Variants in GPD2 observed in about 807,000 individuals in gnomAD.
GPD2 encodes the protein glycerol-3-phosphate dehydrogenase, mitochondrial.
Under a neutral mutation model 82.4 loss-of-function variants are expected in GPD2, and 54 were observed. That is an observed-to-expected ratio of 0.66 (90% CI 0.53 to 0.82). The LOEUF is 0.82. Ranked by LOEUF, GPD2 falls within the 40% of genes least tolerant of loss-of-function variation. The pLI, the probability that GPD2 is intolerant of heterozygous loss-of-function variation, is 0.00. For synonymous variants in GPD2, 288 were observed against 306.1 expected, an observed-to-expected ratio of 0.94 and a Z score of 0.62; for missense variants, 748 against 896.2, an observed-to-expected ratio of 0.83 and a Z score of 2.11.
At chr2:156,461,805 G>A (rs1381795035) in intron 1 of GPD2, among the ~76,000 whole-genome samples, 1 of 152,172 alleles carries the variant, frequency 6.6e-6, no homozygotes, top group Non-Finnish European at 1.5e-5. Flanking sequence ...CATGAGAGTA[G>A]AGGAATTCCC....
chr2:156,451,566 G>A (rs1682584923), intron 1 of GPD2, among the ~76,000 whole-genome samples: 1 of 138,858 alleles, frequency 7.2e-6, no homozygotes, highest in African/African-American at 2.7e-5. Flanking sequence ...CCGGGCGGGG[G>A]TCTGACCCCC....
chr2:156,454,404 C>T (rs1275343917), intron 1 of GPD2, among the ~76,000 whole-genome samples: 1 of 151,766 alleles, frequency 6.6e-6, no homozygotes, highest in Non-Finnish European at 1.5e-5. Context: ...GGCCTGTAAT[C>T]TCAGTGCTTT....
At chr2:156,461,631 T>C (rs1251287108) in intron 1 of GPD2, among the ~76,000 whole-genome samples, 5 of 152,290 alleles carry the variant, frequency 3.3e-5, no homozygotes, top group Admixed American at 2.0e-4. Context: ...CCTCCCACCT[T>C]GGCCTCCCCA....
intron 6 of GPD2, among the ~76,000 whole-genome samples, chr2:156,533,767 C>T (rs543190083): frequency 8.1e-4 from 124 of 152,330 alleles, no homozygotes; most frequent in Non-Finnish European, 1.5e-3. Context: ...TGACCCCCCT[C>T]GCAGGATGTG....
At chr2:156,464,867 T>A (rs1389417490) in intron 1 of GPD2, among the ~76,000 whole-genome samples, 1 of 152,180 alleles carries the variant, frequency 6.6e-6, no homozygotes, top group African/African-American at 2.4e-5. Context: ...CTTTTTTTTT[T>A]TGAGATGGAG....
At chr2:156,460,369 C>T (rs773204089) in intron 1 of GPD2, among the ~76,000 whole-genome samples, 7 of 152,138 alleles carry the variant, frequency 4.6e-5, no homozygotes, top group Non-Finnish European at 7.3e-5. Context: ...GACTTTTGCT[C>T]TTCAGTCTCC....
chr2:156,547,469 C>T (rs1341105619), intron 6 of GPD2, among the ~76,000 whole-genome samples: 1 of 152,144 alleles, frequency 6.6e-6, no homozygotes, highest in African/African-American at 2.4e-5. Context: ...AATAATTTCA[C>T]AATTCTAGGT....
chr2:156,491,658 A>G (rs1684178656), intron 2 of GPD2, among the ~76,000 whole-genome samples: 2 of 152,176 alleles, frequency 1.3e-5, no homozygotes, highest in Admixed American at 6.5e-5. Flanking sequence ...GTATGAACAC[A>G]GATTTTCATT....
intron 6 of GPD2, among the ~76,000 whole-genome samples, chr2:156,548,974 A>G (rs1039671533): frequency 4.6e-5 from 7 of 152,016 alleles, no homozygotes; most frequent in African/African-American, 1.7e-4. Context: ...TCAGCAATAA[A>G]TCTTTAACAA....
At chr2:156,495,922 T>C in intron 2 of GPD2, 122 bp from the exon 3 acceptor site, 1 of 728,390 alleles carries the variant, frequency 1.4e-6, no homozygotes, top group Non-Finnish European at 2.4e-6. Context: ...CTATGTGGAC[T>C]GTGGACTCTC....
intron 6 of GPD2, among the ~76,000 whole-genome samples, chr2:156,525,865 A>C (rs1281467063): frequency 6.6e-6 from 1 of 152,204 alleles, no homozygotes; most frequent in East Asian, 1.9e-4. Flanking sequence ...AAACAAAGAC[A>C]ATTCAAACAA....
chr2:156,465,008 G>T (rs1056581231), intron 1 of GPD2, among the ~76,000 whole-genome samples: 1 of 151,944 alleles, frequency 6.6e-6, no homozygotes, highest in Non-Finnish European at 1.5e-5. Flanking sequence ...CCATCACAAC[G>T]CCTGGCTAAT....
At chr2:156,431,008 CAAGAT>C (rs900782831), upstream of GPD2, among the ~76,000 whole-genome samples, 1 of 152,178 alleles carries the variant, frequency 6.6e-6, no homozygotes, top group African/African-American at 2.4e-5. Context: ...ACAACAAAAA[CAAGAT>C]AAATGAATGG....
intron 13 of GPD2, among the ~76,000 whole-genome samples, chr2:156,575,633 C>T (rs1255897555): frequency 6.6e-5 from 10 of 151,804 alleles, no homozygotes; most frequent in African/African-American, 1.5e-4. Flanking sequence ...CTCAAACTCC[C>T]GGGCTCATGC....
chr2:156,505,546 A>G (rs1240843533), intron 3 of GPD2, among the ~76,000 whole-genome samples: 1 of 152,178 alleles, frequency 6.6e-6, no homozygotes, highest in East Asian at 1.9e-4. Context: ...AGAAAAAGAA[A>G]AACAAACTTA....
chr2:156,579,086 G>A lies in GPD2; in HGVS notation c.1881G>A (p.Arg627=), dbSNP rs201499363. 1 of 1,597,424 alleles carries A rather than the reference G, an allele frequency of 6.3e-7. No individual in the cohort carries two copies. Among genetic ancestry groups the A allele is most frequent in the Non-Finnish European group, 8.6e-7 (1 of 1,165,254 alleles). The change falls in exon 15 of 17, where the codon AGG becomes AGA. Residue 627 remains arginine (R), a splice_region_variant and synonymous_variant. Transcript: ENST00000438166. The part of the protein sequence containing the change: ...EISLLPSDID[R]YKKRFHKFDA... Reference sequence around the variant, plus strand: ...TCCATTATTTAATCTTGTGTTCCAGGTATAAGAAGAGATTTCATAAGTTTG... The same window carrying A: ...TCCATTATTTAATCTTGTGTTCCAGATATAAGAAGAGATTTCATAAGTTTG...
At chr2:156,408,036 C>T in the GPD2 span, among the ~76,000 whole-genome samples, 1 of 145,564 alleles carries the variant, frequency 6.9e-6, no homozygotes, top group Non-Finnish European at 1.5e-5. Flanking sequence ...CTCACTGTTG[C>T]CTTGAGGTCC....
chr2:156,568,772 T>C, intron 9 of GPD2, 53 bp from the exon 10 acceptor site: 1 of 1,503,934 alleles, frequency 6.6e-7, no homozygotes, highest in Non-Finnish European at 9.3e-7. Context: ...TTAATATTTT[T>C]ATCAAAATAT....
At chr2:156,582,404 T>C (rs1036143979) in intron 16 of GPD2, among the ~76,000 whole-genome samples, 2 of 151,124 alleles carry the variant, frequency 1.3e-5, no homozygotes, top group Admixed American at 1.3e-4. Flanking sequence ...CAAATATAGG[T>C]CATGGTTTGT....
Sources: gnomAD v4.1 joint callset for allele counts (sites outside exome capture counted in the v4.1 genomes callset) on GRCh38, gnomAD v4.1.1 for gene constraint, MANE v1.5 for transcripts, NCBI Gene and HGNC (gene_info 2026-07-23, HGNC 2026-07-21) for gene names.